ZBBX: variants seen among roughly 807,000 people sequenced by gnomAD.
ZBBX encodes the protein zinc finger B-box domain containing, also known as zinc finger B-box domain-containing protein 1.
ZBBX carries 101 observed loss-of-function variants against 108.5 expected under a neutral mutation model. The ratio of observed to expected loss-of-function variants is 0.93; its 90% CI spans 0.79 to 1.10. The LOEUF is 1.10. Among genes scored for constraint, ZBBX ranks in the 50% least tolerant of loss-of-function variants. ZBBX has a pLI of 0.00. For synonymous variants in ZBBX, 356 were observed against 323.4 expected (o/e 1.10, Z -1.08); for missense variants, 1,009 against 941.4 (o/e 1.07, Z -0.94).
chr3:167,404,228 C>T (rs887400724), intron 1 of ZBBX, among the ~76,000 whole-genome samples: 1 of 151,942 alleles, frequency 6.6e-6, no homozygotes, highest in Admixed American at 6.6e-5. Flanking sequence ...TAAAAAAATA[C>T]ATAATATTTC....
rs747465475 is a variant in ZBBX, at chr3:167,282,474, G to A, written c.2018C>T (p.Ser673Leu). The change falls in exon 20 of 22, where the codon TCA becomes TTA. Residue 673 changes from serine to leucine, a missense_variant. Coordinates refer to ENST00000675490, the MANE Select transcript of ZBBX (RefSeq NM_001199201.2). ...GTTGGAAAGTGGAAAATTTGCTGTT[G>A]AAGGTCTCTGTGATTTCTGACCTAA... The part of the protein sequence containing the change: ...QKMGQKSQRP[S>L]TANFPLSNSV... 4 of 1,610,314 alleles carry A rather than the reference G, an allele frequency of 2.5e-6. No individual in the cohort carries two copies. In the African/African-American group the frequency reaches 5.4e-5, roughly 22 times the overall value.
downstream of ZBBX, among the ~76,000 whole-genome samples, chr3:167,238,100 CT>C (rs934378291): frequency 2.0e-5 from 3 of 151,936 alleles, no homozygotes; most frequent in African/African-American, 7.2e-5. Flanking sequence ...GTCATGAAAC[CT>C]TAAACCTGAG....
chr3:167,284,920 G>C (rs1296416488), intron 19 of ZBBX, among the ~76,000 whole-genome samples: 1 of 151,916 alleles, frequency 6.6e-6, no homozygotes, highest in Non-Finnish European at 1.5e-5. Context: ...CATTAACACT[G>C]GCACTAGTTA....
intron 18 of ZBBX, among the ~76,000 whole-genome samples, chr3:167,292,042 C>G (rs1730784308): frequency 6.6e-6 from 1 of 152,008 alleles, no homozygotes; most frequent in Non-Finnish European, 1.5e-5. Flanking sequence ...ACAGGAGCAC[C>G]CAGATTCATA....
intron 16 of ZBBX, among the ~76,000 whole-genome samples, chr3:167,306,319 A>T (rs1156972398): frequency 6.6e-6 from 1 of 152,184 alleles, no homozygotes; most frequent in Non-Finnish European, 1.5e-5. Flanking sequence ...CACAGGGGGA[A>T]CATTTTTTCA....
At chr3:167,348,498 T>G (rs1041412693) in intron 9 of ZBBX, among the ~76,000 whole-genome samples, 1 of 150,708 alleles carries the variant, frequency 6.6e-6, no homozygotes, top group Admixed American at 6.6e-5. Flanking sequence ...AGAGAGGAAA[T>G]TGTGATGTAA....
chr3:167,266,668 C>T (rs752942051), intron 20 of ZBBX, among the ~76,000 whole-genome samples: 23 of 152,202 alleles, frequency 1.5e-4, no homozygotes, highest in South Asian at 6.2e-4. Context: ...AAAAAACTCC[C>T]GGTCCCCTTT....
intron 4 of ZBBX, 58 bp from the exon 5 acceptor site, chr3:167,368,632 T>C: frequency 7.1e-7 from 1 of 1,416,392 alleles, no homozygotes; most frequent in Non-Finnish European, 9.4e-7. Context: ...CAAAATAATT[T>C]TATATAATCT....
chr3:167,345,165 A>G (rs1358517060), intron 9 of ZBBX, among the ~76,000 whole-genome samples: 1 of 151,898 alleles, frequency 6.6e-6, no homozygotes, highest in Non-Finnish European at 1.5e-5. Context: ...TCACATTTCT[A>G]TTTGTTAAAA....
chr3:167,255,482 T>C (rs1159802960), intron 20 of ZBBX, among the ~76,000 whole-genome samples: 1 of 152,044 alleles, frequency 6.6e-6, no homozygotes, highest in Non-Finnish European at 1.5e-5. Context: ...AACAAGAAAC[T>C]ATAACTACAA....
At chr3:167,283,495 C>T (rs1340462448) in intron 19 of ZBBX, among the ~76,000 whole-genome samples, 2 of 152,098 alleles carry the variant, frequency 1.3e-5, no homozygotes, top group African/African-American at 4.8e-5. Flanking sequence ...GTGCAATTGT[C>T]ATTATCATAA....
intron 20 of ZBBX, among the ~76,000 whole-genome samples, chr3:167,253,111 A>C (rs1722896430): frequency 6.6e-6 from 1 of 152,234 alleles, no homozygotes; most frequent in African/African-American, 2.4e-5. Context: ...AATAAATAGA[A>C]AAAGCAGAAT....
At chr3:167,202,707 G>A in the ZBBX span, among the ~76,000 whole-genome samples, 16 of 152,156 alleles carry the variant, frequency 1.1e-4, no homozygotes, top group Middle Eastern at 6.8e-3. Flanking sequence ...TGGGCATGCC[G>A]TCATAGCAGT....
chr3:167,282,177 GA>G (rs981174292), intron 20 of ZBBX, 60 bp downstream of exon 20: 1 of 1,495,694 alleles, frequency 6.7e-7, no homozygotes, highest in African/African-American at 1.4e-5. Context: ...AAGATATGAA[GA>G]ATCCGGCTGA....
chr3:167,350,309 GA>G (rs1183465412), intron 9 of ZBBX, 110 bp downstream of exon 9: 4 of 750,006 alleles, frequency 5.3e-6, no homozygotes, highest in Non-Finnish European at 8.5e-6. Flanking sequence ...TAGAATTTTA[GA>G]AATTAGCGTA....
the ZBBX span, among the ~76,000 whole-genome samples, chr3:167,189,216 A>T: frequency 6.6e-6 from 1 of 152,184 alleles, no homozygotes; most frequent in African/African-American, 2.4e-5. Context: ...ACATGACTCT[A>T]GAAGACTGAA....
In ZBBX at chr3:167,348,180, A is replaced by C. The variant is rs1459445905; in HGVS notation, c.528+2240T>G. Among the ~76,000 whole-genome samples, 12 of 145,010 alleles carry C rather than the reference A, an allele frequency of 8.3e-5. No homozygotes were observed. The Admixed American group carries it at 8.3e-4, about 10-fold the overall frequency. ...AAGAAGGAAAGAGAGAAAGAGAGAA[A>C]AAGAAGGAAAGATGAAAGAAGGAAG... On this transcript the variant is annotated intron_variant, in intron 9 of 21. Coordinates refer to ENST00000675490, the MANE Select transcript of ZBBX (RefSeq NM_001199201.2).
chr3:167,295,276 A>G (rs1436913160), intron 18 of ZBBX, among the ~76,000 whole-genome samples: 1 of 152,164 alleles, frequency 6.6e-6, no homozygotes, highest in South Asian at 2.1e-4. Flanking sequence ...ACAATAGCAG[A>G]CTTGGAAGCA....
At chr3:167,235,803 C>T (rs148094369), downstream of ZBBX, among the ~76,000 whole-genome samples, 2,032 of 151,648 alleles carry the variant, frequency 0.013, 23 homozygotes, top group South Asian at 0.026. Context: ...TCTATGCTGC[C>T]GGTTATTCCC....
Sources: gnomAD v4.1 joint callset for allele counts (sites outside exome capture counted in the v4.1 genomes callset) on GRCh38, gnomAD v4.1.1 for gene constraint, MANE v1.5 for transcripts, NCBI Gene and HGNC (gene_info 2026-07-23, HGNC 2026-07-21) for gene names.